MTFR1: variants seen among roughly 807,000 people sequenced by gnomAD.
The protein encoded by MTFR1 is chondrocyte protein with a poly-proline region.
A neutral mutation model predicts 38.8 loss-of-function variants in MTFR1; 28 were observed. The observed-to-expected ratio is 0.72, with a 90% CI of 0.53 to 0.99. The LOEUF (loss-of-function observed/expected upper bound fraction) is 0.99. MTFR1 is among the 50% of genes least tolerant of loss of function. MTFR1 has a pLI of 0.00. For missense variants in MTFR1, 358 were observed against 395.5 expected (o/e 0.91, Z 0.81); for synonymous variants, 145 against 137.0 (o/e 1.06, Z -0.41).
intron 3 of MTFR1, among the ~76,000 whole-genome samples, chr8:65,753,134 T>C (rs1294260557): frequency 6.6e-6 from 1 of 152,222 alleles, no homozygotes; most frequent in East Asian, 1.9e-4. Flanking sequence ...CACTATTCCA[T>C]TAAGTGCTCT....
At chr8:65,664,411 T>C (rs1804312597) in intron 1 of MTFR1, among the ~76,000 whole-genome samples, 1 of 152,112 alleles carries the variant, frequency 6.6e-6, no homozygotes, top group African/African-American at 2.4e-5. Flanking sequence ...ACAACTAATA[T>C]ATGGTTGCAA....
Position 65,707,240 on chromosome 8 carries a change from CTT to C in MTFR1, c.749_750del (p.Leu250ProfsTer19). 2 of 1,614,034 alleles carry C rather than the reference CTT, an allele frequency of 1.2e-6. No homozygotes were observed. Among genetic ancestry groups the C allele is most frequent in the African/African-American group, 2.7e-5 (2 of 75,028 alleles). On this transcript the variant is annotated frameshift_variant, in exon 6 of 8. Transcript: ENST00000262146. LOFTEE classifies it high-confidence loss of function. Reference protein sequence around the residue: ...EILKEMNSVKLRSVKRSEQDV... With the variant: ...EILKEMNSVKXRSVKRSEQDV... ...CCTTAAAGAGATGAACAGTGTAAAACTTCGGTCAGTGAAGAGGTGAGGATACA... is the reference window on the plus strand; with the variant it reads ...CCTTAAAGAGATGAACAGTGTAAAACCGGTCAGTGAAGAGGTGAGGATACA...
chr8:65,725,153 C>T (rs953897700), intron 3 of MTFR1, among the ~76,000 whole-genome samples: 3 of 151,932 alleles, frequency 2.0e-5, no homozygotes, highest in East Asian at 3.9e-4. Flanking sequence ...AATATGCAAA[C>T]ATTCCAAAAG....
intron 2 of MTFR1, chr8:65,719,230 G>A: frequency 8.8e-7 from 1 of 1,138,428 alleles, no homozygotes. Flanking sequence ...CTCACCTCAA[G>A]ACCCCATTTC....
chr8:65,663,551 CAA>C (rs1804273398), intron 1 of MTFR1, among the ~76,000 whole-genome samples: 4 of 143,722 alleles, frequency 2.8e-5, no homozygotes, highest in African/African-American at 1.0e-4. Flanking sequence ...AAAAAAAGAG[CAA>C]AAGACTTAAA....
chr8:65,660,618 C>T (rs1268121320), intron 1 of MTFR1, among the ~76,000 whole-genome samples: 1 of 152,206 alleles, frequency 6.6e-6, no homozygotes, highest in Non-Finnish European at 1.5e-5. Context: ...CTCCAGCTTG[C>T]ACACGGCAGA....
At chr8:65,688,892 C>T (rs1175946405) in intron 3 of MTFR1, among the ~76,000 whole-genome samples, 2 of 152,006 alleles carry the variant, frequency 1.3e-5, no homozygotes, top group South Asian at 4.1e-4. Flanking sequence ...CACCTGTAAT[C>T]CCAGCACTTT....
chr8:65,738,397 G>A (rs1035520206), intron 3 of MTFR1, among the ~76,000 whole-genome samples: 57 of 152,154 alleles, frequency 3.7e-4, no homozygotes, highest in African/African-American at 1.2e-3. Context: ...AGCAAATGCA[G>A]GAGAGGACTT....
chr8:65,701,303 G>T (rs955672728), intron 4 of MTFR1, among the ~76,000 whole-genome samples: 1 of 152,080 alleles, frequency 6.6e-6, no homozygotes, highest in African/African-American at 2.4e-5. Context: ...ATAAGTCTTT[G>T]GATAAATATA....
chr8:65,662,343 G>A (rs370025113), intron 1 of MTFR1, among the ~76,000 whole-genome samples: 2 of 151,938 alleles, frequency 1.3e-5, no homozygotes, highest in African/African-American at 4.8e-5. Context: ...CGAGTGATCC[G>A]CCAGCCTCGG....
intron 1 of MTFR1, among the ~76,000 whole-genome samples, chr8:65,666,872 C>T (rs930062500): frequency 4.6e-5 from 7 of 152,192 alleles, no homozygotes; most frequent in Non-Finnish European, 8.8e-5. Context: ...CTCCCTGGCA[C>T]CATAATCCCT....
chr8:65,728,713 T>C (rs1806711177), intron 3 of MTFR1: 1 of 152,210 alleles, frequency 6.6e-6, no homozygotes, highest in African/African-American at 2.4e-5. Context: ...CTATGTCTTA[T>C]GAACATGTAA....
At position 65,688,223 on chromosome 8, in the gene MTFR1, A is replaced by AAC. The variant is rs1259921073; in HGVS notation, c.166-5420_166-5419dup. 3.3e-5 allele frequency among the ~76,000 whole-genome samples: 5 copies of AAC among 151,366 alleles called. No individual in the cohort carries two copies. In the East Asian group the frequency reaches 9.9e-4, roughly 30 times the overall value. ...TGAGACCAGCTGCCCAACATGGTGA[A>AAC]ACCTCAACTCTATTAAAAATACAAA... On this transcript the variant is annotated intron_variant, in intron 3 of 7. Transcript: ENST00000262146.
chr8:65,703,416 C>G (rs922020218), intron 4 of MTFR1, among the ~76,000 whole-genome samples: 1 of 89,402 alleles, frequency 1.1e-5, no homozygotes, highest in Non-Finnish European at 2.1e-5. Context: ...CTTGATGTCT[C>G]TGGTTTTTTT....
At chr8:65,687,583 G>A (rs1805126549) in intron 3 of MTFR1, among the ~76,000 whole-genome samples, 1 of 152,002 alleles carries the variant, frequency 6.6e-6, no homozygotes, top group Admixed American at 6.6e-5. Flanking sequence ...CTGACCTCGT[G>A]ATCCGCCCGC....
chr8:65,707,080 C>G lies in MTFR1; in HGVS notation c.588C>G (p.Pro196=). Residue 196 remains proline (P), a synonymous_variant, in exon 6 of 8, where the codon CCC becomes CCG. Coordinates refer to ENST00000262146, the MANE Select transcript of MTFR1 (RefSeq NM_014637.4). ...CACCTCCCCCACCGCCCCTGCCTCC[C>G]CCTGCACTGGGGCTCCACCAAAGTA... ...HPPPPPPPLP[P]PALGLHQSTS... 2 of 1,613,446 alleles carry G rather than the reference C, an allele frequency of 1.2e-6. No homozygotes were observed. The highest frequency in any genetic ancestry group is 1.1e-5 in the South Asian group (1 of 91,056).
chr8:65,706,932 A>G (rs1284846940), intron 5 of MTFR1, 78 bp from the exon 6 acceptor site: 1 of 1,483,466 alleles, frequency 6.7e-7, no homozygotes, highest in East Asian at 2.3e-5. Context: ...AATCTTTAAC[A>G]TCATTTTGCT....
intron 2 of MTFR1, 138 bp downstream of exon 2, chr8:65,670,156 T>C: frequency 1.4e-6 from 1 of 709,866 alleles, no homozygotes. Context: ...TGCTTTCTAT[T>C]TAAATCATAG....
intron 3 of MTFR1, among the ~76,000 whole-genome samples, chr8:65,687,347 C>CT (rs71247404): frequency 2.0e-4 from 23 of 115,344 alleles, no homozygotes; most frequent in South Asian, 8.1e-4. Flanking sequence ...TTAAAGAATA[C>CT]TTTTTTTTTT....
Sources: allele counts gnomAD v4.1 joint callset (sites outside exome capture counted in the v4.1 genomes callset), GRCh38; gene constraint gnomAD v4.1.1; transcripts MANE v1.5; gene names NCBI Gene and HGNC (gene_info 2026-07-23, HGNC 2026-07-21).